The following GPHN variants were observed in gnomAD, a reference collection of about 807,000 sequenced individuals.
The protein encoded by GPHN is gephyrin.
Under a neutral mutation model 95.5 loss-of-function variants are expected in GPHN, and 17 were observed. The ratio of observed to expected loss-of-function variants is 0.18; its 90% CI spans 0.12 to 0.27. The LOEUF is 0.27. GPHN is among the 10% of genes least tolerant of loss of function. The pLI is 1.00. For missense variants in GPHN, 660 were observed against 978.1 expected (o/e 0.67, Z 4.34); for synonymous variants, 320 against 322.5 (o/e 0.99, Z 0.08).
At chr14:67,304,884 TAGC>T in the GPHN span, among the ~76,000 whole-genome samples, 1 of 152,212 alleles carries the variant, frequency 6.6e-6, no homozygotes, top group Non-Finnish European at 1.5e-5. Flanking sequence ...CTTTAAAGCA[TAGC>T]AGTTTGAGAA....
chr14:67,362,552 C>T, the GPHN span, among the ~76,000 whole-genome samples: 55 of 152,166 alleles, frequency 3.6e-4, no homozygotes, highest in African/African-American at 1.1e-3. Flanking sequence ...AGGATGTTAT[C>T]TTTCCCAAGC....
At position 66,882,311 on chromosome 14, in the gene GPHN, A is replaced by G. The variant is rs937783353; in HGVS notation, c.389+2278A>G. Reference sequence around the variant, plus strand: ...GTTACTATGGATAAATCAGTGTTTTACCATAGTTCTATAGCATGTTTTTTT... The same window carrying G: ...GTTACTATGGATAAATCAGTGTTTTGCCATAGTTCTATAGCATGTTTTTTT... On this transcript the variant is annotated intron_variant, in intron 5 of 22. Coordinates refer to ENST00000478722, the MANE Select transcript of GPHN (RefSeq NM_020806.5). Among the ~76,000 whole-genome samples the G allele has an allele frequency of 4.6e-5, 7 of 151,948 alleles. No individual in the cohort carries two copies. The East Asian group carries it at 1.4e-3, about 29-fold the overall frequency.
chr14:67,202,923 T>G, the GPHN span: 2 of 252,590 alleles, frequency 7.9e-6, no homozygotes, highest in Non-Finnish European at 1.3e-5. Context: ...TCAGAGGCTG[T>G]GTCTGTTCCC....
intron 3 of GPHN, among the ~76,000 whole-genome samples, chr14:66,790,956 T>C (rs1391523171): frequency 2.0e-5 from 3 of 152,218 alleles, no homozygotes; most frequent in Admixed American, 6.5e-5. Context: ...CCAAAGAGAA[T>C]AGTAATTAAA....
At chr14:67,633,048 C>T in the GPHN span, among the ~76,000 whole-genome samples, 1 of 151,870 alleles carries the variant, frequency 6.6e-6, no homozygotes, top group Non-Finnish European at 1.5e-5. Flanking sequence ...TCTCGATCTC[C>T]TGACCTCGTG....
the GPHN span, among the ~76,000 whole-genome samples, chr14:67,455,016 A>G: frequency 0.019 from 2,927 of 152,220 alleles, 31 homozygotes; most frequent in Middle Eastern, 0.048. Flanking sequence ...TGGCTGGCTA[A>G]TTTTTGGATT....
chr14:67,200,562 G>A, the GPHN span: 1 of 233,328 alleles, frequency 4.3e-6, no homozygotes, highest in Non-Finnish European at 8.1e-6. Context: ...AAAAAAAAAT[G>A]TAAGGAGACT....
intron 10 of GPHN, among the ~76,000 whole-genome samples, chr14:67,036,570 A>T (rs574897723): frequency 7.0e-6 from 1 of 143,820 alleles, no homozygotes. Context: ...AAGCTAATAC[A>T]AGAAGCCAGT....
intron 4 of GPHN, among the ~76,000 whole-genome samples, chr14:66,873,990 G>A (rs2063550629): frequency 6.6e-6 from 1 of 152,204 alleles, no homozygotes; most frequent in South Asian, 2.1e-4. Flanking sequence ...TGACAGACAT[G>A]TCATACAGGA....
chr14:67,258,877 T>C, the GPHN span, among the ~76,000 whole-genome samples: 243 of 152,322 alleles, frequency 1.6e-3, no homozygotes, highest in African/African-American at 5.6e-3. Context: ...AGTCTCTCTC[T>C]GTTTCCCAGG....
chr14:67,576,069 T>C, the GPHN span: 1 of 1,315,546 alleles, frequency 7.6e-7, no homozygotes, highest in African/African-American at 1.5e-5. This position sits in a 1 kb window ranked among gnomAD's most constrained non-coding sequence, Gnocchi z 4.0. Context: ...TTCCCTTCTC[T>C]CTTTCTCCTG....
At chr14:66,994,768 A>G (rs1299612991) in intron 9 of GPHN, among the ~76,000 whole-genome samples, 1 of 152,216 alleles carries the variant, frequency 6.6e-6, no homozygotes, top group Admixed American at 6.5e-5. Flanking sequence ...TGGCTGAAAA[A>G]TGTGTAATTT....
At chr14:66,773,032 A>G (rs1265463558) in intron 2 of GPHN, among the ~76,000 whole-genome samples, 1 of 151,922 alleles carries the variant, frequency 6.6e-6, no homozygotes, top group Non-Finnish European at 1.5e-5. Flanking sequence ...AATCCAGACC[A>G]TTTCCTTCCT....
chr14:67,542,029 C>A, the GPHN span: 4 of 1,558,522 alleles, frequency 2.6e-6, no homozygotes, highest in Non-Finnish European at 3.5e-6. Flanking sequence ...CCTCTCCACA[C>A]GCAGAGGTTT....
intron 1 of GPHN, among the ~76,000 whole-genome samples, chr14:66,554,909 A>G (rs1415717851): frequency 6.6e-6 from 1 of 152,202 alleles, no homozygotes; most frequent in Non-Finnish European, 1.5e-5. Flanking sequence ...GGCATTTTAA[A>G]TTAGGATGTG....
At chr14:66,755,581 T>G (rs2058527775) in intron 2 of GPHN, among the ~76,000 whole-genome samples, 2 of 152,134 alleles carry the variant, frequency 1.3e-5, no homozygotes, top group Admixed American at 1.3e-4. Context: ...CAGGTACCTT[T>G]CTTTATGATT....
At chr14:67,587,962 G>A in the GPHN span, 1 of 152,582 alleles carries the variant, frequency 6.6e-6, no homozygotes, top group Non-Finnish European at 1.5e-5. Flanking sequence ...CAGAAGCCTA[G>A]AACTCACTAA....
At chr14:67,531,509 T>G in the GPHN span, among the ~76,000 whole-genome samples, 4 of 151,878 alleles carry the variant, frequency 2.6e-5, no homozygotes, top group African/African-American at 4.8e-5. Flanking sequence ...CTGAAAAAAA[T>G]GTGGAGTCTC....
the GPHN span, among the ~76,000 whole-genome samples, chr14:67,397,472 G>A: frequency 3.3e-5 from 5 of 152,338 alleles, no homozygotes; most frequent in South Asian, 2.1e-4. Context: ...GATGAGGAAC[G>A]AAGGCTCAGA....
Sources: allele counts gnomAD v4.1 joint callset (sites outside exome capture counted in the v4.1 genomes callset), GRCh38; gene constraint gnomAD v4.1.1; non-coding constraint Gnocchi (gnomAD v3.1); transcripts MANE v1.5; gene names NCBI Gene and HGNC (gene_info 2026-07-23, HGNC 2026-07-21).